Variants in PDE1C observed in about 807,000 individuals in gnomAD.
PDE1C encodes phosphodiesterase 1C.
A neutral mutation model predicts 93.1 loss-of-function variants in PDE1C; 62 were observed. The observed-to-expected ratio is 0.67, with a 90% CI of 0.54 to 0.82. The LOEUF (loss-of-function observed/expected upper bound fraction) is 0.82, where lower values mean the gene tolerates loss of function less well. PDE1C is among the 40% of genes least tolerant of loss of function. The pLI, the probability that PDE1C is intolerant of heterozygous loss-of-function variation, is 0.00. For synonymous variants in PDE1C, 325 were observed against 310.1 expected (o/e 1.05, Z -0.50); for missense variants, 742 against 884.6 (o/e 0.84, Z 2.04).
rs545481650 is a variant in PDE1C at position 32,306,544 on chromosome 7, C to G, written c.311-97005G>C. The stretch of plus-strand genomic sequence containing the variant: ...CTCACATGAATTATCACAACAGCCT[C>G]TCACCTCCACAGCCAGCTTGCATTC... On this transcript the variant is annotated intron_variant, in intron 1 of 1. Coordinates refer to the PDE1C transcript ENST00000672256. Among the ~76,000 whole-genome samples the G allele has an allele frequency of 3.9e-5, 6 of 152,336 alleles. No individual in the cohort carries two copies. The East Asian group carries it at 1.2e-3, about 29-fold the overall frequency.
chr7:32,142,449 C>T (rs963502345), intron 3 of PDE1C, among the ~76,000 whole-genome samples: 1 of 152,114 alleles, frequency 6.6e-6, no homozygotes, highest in Non-Finnish European at 1.5e-5. Context: ...GGACAAACTT[C>T]TCCAGAAGGG....
At chr7:32,071,047 G>C, upstream of PDE1C, 1 of 985,474 alleles carries the variant, frequency 1.0e-6, no homozygotes, top group Non-Finnish European at 1.2e-6. Flanking sequence ...CCGGGCTGGT[G>C]TCTGGGCTGT....
chr7:32,209,803 G>T lies in PDE1C; in HGVS notation c.86-264C>A, dbSNP rs1195391168. Among the ~76,000 whole-genome samples, 4 of 152,244 alleles carry T rather than the reference G, an allele frequency of 2.6e-5. No homozygotes were observed. In the East Asian group the frequency reaches 7.7e-4, roughly 29 times the overall value. ...ATCTCAACAACATCCAGTTTAGTAG[G>T]CCTAAAGAAGTTAATTGGCTTACAT... On this transcript the variant is annotated intron_variant, in intron 1 of 18. Transcript: ENST00000396193.
intron 1 of PDE1C, among the ~76,000 whole-genome samples, chr7:32,317,179 G>A (rs546541814): frequency 5.3e-5 from 8 of 152,312 alleles, no homozygotes; most frequent in Non-Finnish European, 1.2e-4. Context: ...TTAGGTCTTA[G>A]TTTAATGATT....
At chr7:31,689,284 A>C in the PDE1C span, among the ~76,000 whole-genome samples, 2 of 152,212 alleles carry the variant, frequency 1.3e-5, no homozygotes, top group Admixed American at 6.5e-5. Flanking sequence ...AGTTTATGAA[A>C]ACACCCCCAA....
chr7:31,651,952 C>G, the PDE1C span: 13 of 1,596,844 alleles, frequency 8.1e-6, no homozygotes, highest in Non-Finnish European at 8.5e-6. Flanking sequence ...GGAGGCCGAG[C>G]AACTGCAAAC....
intron 2 of PDE1C, among the ~76,000 whole-genome samples, chr7:31,925,458 T>C (rs904528647): frequency 1.0e-5 from 1 of 98,042 alleles, no homozygotes; most frequent in Non-Finnish European, 2.0e-5. Context: ...TGATACAGGA[T>C]GCTTAGGAAA....
chr7:31,679,204 A>G, the PDE1C span, among the ~76,000 whole-genome samples: 2 of 152,150 alleles, frequency 1.3e-5, no homozygotes, highest in Non-Finnish European at 2.9e-5. Context: ...TTCTGGACAG[A>G]TGGGAGAAGA....
chr7:31,925,766 AAG>A (rs781165328), intron 2 of PDE1C, among the ~76,000 whole-genome samples: 13 of 152,198 alleles, frequency 8.5e-5, no homozygotes, highest in Non-Finnish European at 1.8e-4. Context: ...ACTGAGAATG[AAG>A]AGTGATTTCA....
At chr7:31,706,586 T>A in the PDE1C span, among the ~76,000 whole-genome samples, 772 of 152,278 alleles carry the variant, frequency 5.1e-3, 6 homozygotes, top group African/African-American at 0.018. Context: ...GTACTGACAT[T>A]GAGAAATGGC....
At chr7:31,966,104 A>C (rs1205928937) in intron 2 of PDE1C, among the ~76,000 whole-genome samples, 1 of 152,224 alleles carries the variant, frequency 6.6e-6, no homozygotes, top group Non-Finnish European at 1.5e-5. Flanking sequence ...ATTCACACGT[A>C]AGAATACTAA....
rs1799645774 is a variant in PDE1C at position 32,127,322 on chromosome 7, G to T, written c.308+42463C>A. 2.6e-5 allele frequency among the ~76,000 whole-genome samples: 4 copies of T among 151,854 alleles called. 1 individual carries two copies. The South Asian group carries it at 8.3e-4, about 32-fold the overall frequency. On this transcript the variant is annotated intron_variant, in intron 3 of 18. Transcript: ENST00000396193. ...TATTTGCATAAATATACGTCCTATT[G>T]GTTCTGTACCTCTGGAGAACCCTGA... is the stretch of plus-strand genomic sequence containing the variant.
chr7:32,132,476 A>C (rs1009231150), intron 3 of PDE1C, among the ~76,000 whole-genome samples: 2 of 152,054 alleles, frequency 1.3e-5, no homozygotes, highest in African/African-American at 4.8e-5. Context: ...CCTGGGCAAC[A>C]TAGTGAAACC....
the PDE1C span, chr7:31,643,850 C>T: frequency 1.2e-6 from 2 of 1,613,946 alleles, no homozygotes; most frequent in Non-Finnish European, 1.7e-6. Flanking sequence ...CCTGAACCCT[C>T]AGTCTGTAGG....
chr7:32,196,425 T>A (rs1804625011), intron 2 of PDE1C, among the ~76,000 whole-genome samples: 1 of 152,178 alleles, frequency 6.6e-6, no homozygotes, highest in African/African-American at 2.4e-5. Context: ...TTTATCTTTT[T>A]CAGCTCGAAG....
chr7:31,865,652 C>T (rs562569804), intron 6 of PDE1C, among the ~76,000 whole-genome samples: 1 of 152,100 alleles, frequency 6.6e-6, no homozygotes, highest in Admixed American at 6.6e-5. Context: ...CAATAAATTG[C>T]CAAGTAACAA....
chr7:32,411,969 C>T (rs1785180275), intron 1 of PDE1C, among the ~76,000 whole-genome samples: 2 of 151,966 alleles, frequency 1.3e-5, no homozygotes, highest in South Asian at 2.1e-4. Context: ...AGATCATCAA[C>T]ATCACTGCCT....
At chr7:32,332,694 T>C (rs569080340) in intron 1 of PDE1C, among the ~76,000 whole-genome samples, 92 of 152,358 alleles carry the variant, frequency 6.0e-4, no homozygotes, top group Middle Eastern at 3.4e-3. Flanking sequence ...AAAGGAATAC[T>C]ATGTAGAAAT....
At chr7:31,766,281 A>G (rs955630405) in intron 17 of PDE1C, among the ~76,000 whole-genome samples, 1 of 151,814 alleles carries the variant, frequency 6.6e-6, no homozygotes, top group Non-Finnish European at 1.5e-5. Flanking sequence ...CTACTCGGGA[A>G]GCTGAGGCAG....
Sources: gnomAD v4.1 joint callset for allele counts (sites outside exome capture counted in the v4.1 genomes callset) on GRCh38, gnomAD v4.1.1 for gene constraint, MANE v1.5 for transcripts, NCBI Gene and HGNC (gene_info 2026-07-23, HGNC 2026-07-21) for gene names.